GANC: variants seen among roughly 807,000 people sequenced by gnomAD.
GANC encodes the protein neutral alpha-glucosidase C.
GANC carries 117 observed loss-of-function variants against 124.2 expected under a neutral mutation model. That is an observed-to-expected ratio of 0.94 (90% confidence interval 0.81 to 1.10). The LOEUF (loss-of-function observed/expected upper bound fraction) is 1.10, where lower values mean the gene tolerates loss of function less well. Among genes scored for constraint, GANC ranks in the 50% least tolerant of loss-of-function variants. The pLI is 0.00. For synonymous variants in GANC, 377 were observed against 376.8 expected (o/e 1.00, Z -0.01); for missense variants, 1,140 against 1,095.0 (o/e 1.04, Z -0.58).
chr15:42,345,064 A>G (rs2052353268), intron 19 of GANC, among the ~76,000 whole-genome samples: 1 of 152,242 alleles, frequency 6.6e-6, no homozygotes, highest in Non-Finnish European at 1.5e-5. Context: ...GTACTGAGCT[A>G]GAAGAAAGAA....
chr15:42,290,931 A>G (rs1373118598), intron 4 of GANC, among the ~76,000 whole-genome samples: 2 of 152,252 alleles, frequency 1.3e-5, no homozygotes, highest in South Asian at 2.1e-4. Context: ...AACCCCTCCT[A>G]TAAAGGCAGG....
chr15:42,314,205 C>T (rs2052083031), intron 10 of GANC: 1 of 753,672 alleles, frequency 1.3e-6, no homozygotes. Context: ...ATATTCCCCA[C>T]AAGGAGTTCC....
intron 12 of GANC, among the ~76,000 whole-genome samples, chr15:42,327,140 T>C (rs1000504902): frequency 1.3e-5 from 2 of 152,236 alleles, no homozygotes; most frequent in African/African-American, 4.8e-5. Context: ...TACTTGTGCA[T>C]TGGCATTCCC....
At chr15:42,330,770 C>CG in intron 15 of GANC, 98 bp downstream of exon 15, 1 of 359,856 alleles carries the variant, frequency 2.8e-6, no homozygotes, top group South Asian at 2.7e-5. Context: ...CTTCCTTTTC[C>CG]TTTTTTTTTT....
At chr15:42,317,451 T>C (rs1462777846) in intron 10 of GANC, among the ~76,000 whole-genome samples, 1 of 152,136 alleles carries the variant, frequency 6.6e-6, no homozygotes, top group Non-Finnish European at 1.5e-5. Flanking sequence ...CTTGGGGTGA[T>C]GTAAAGGTTT....
chr15:42,318,432 T>C (rs1291413154), intron 10 of GANC, among the ~76,000 whole-genome samples: 1 of 152,254 alleles, frequency 6.6e-6, no homozygotes, highest in African/African-American at 2.4e-5. Flanking sequence ...TTTCTTTTAC[T>C]GTCTTCTACC....
intron 8 of GANC, among the ~76,000 whole-genome samples, chr15:42,309,084 C>T (rs1021493535): frequency 2.0e-5 from 3 of 152,144 alleles, no homozygotes; most frequent in Admixed American, 1.3e-4. Context: ...GATATCATGT[C>T]AGGCTAACAC....
rs759031034 is a variant in GANC at position 42,353,615 on chromosome 15, G to A, written c.*1476G>A. ...ACCTGACTTTCAGTAACTGTTAGCT[G>A]TGATTAGTTAGCTGGTGGATTTAAT... On this transcript the variant is annotated 3_prime_UTR_variant, in exon 24 of 24. Transcript: ENST00000318010. 380 of 985,662 alleles carry A rather than the reference G, an allele frequency of 3.9e-4. No homozygotes were observed. Among genetic ancestry groups the A allele is most frequent in the Admixed American group, 1.7e-3 (28 of 16,286 alleles). 61.1% of individuals were successfully genotyped at this position (985,662 alleles called of 1,614,324 possible). A position where few individuals can be genotyped will look rare whatever the true frequency, so the allele number is the denominator to read the frequency against.
Position 42,273,769 on chromosome 15 carries a change from G to A in GANC, c.-713G>A, listed in dbSNP as rs1180862776. ...CTTCATCCCTTCTAAGTCAATGTCA[G>A]ACTTTGGGGCCAGAAAGTCTGGAAA... On this transcript the variant is annotated 5_prime_UTR_variant, in exon 1 of 24. Transcript: ENST00000318010. 2 of 223,504 alleles carry A rather than the reference G, an allele frequency of 8.9e-6. No homozygotes were observed. The highest frequency in any genetic ancestry group is 1.8e-5 in the Non-Finnish European group (2 of 109,550). 13.8% of individuals were successfully genotyped at this position (223,504 alleles called of 1,614,324 possible).
chr15:42,295,657 CACACA>C (rs2051884063), intron 5 of GANC, among the ~76,000 whole-genome samples: 2 of 148,310 alleles, frequency 1.3e-5, no homozygotes, highest in African/African-American at 5.0e-5. Context: ...CACACACACA[CACACA>C]CACACACACA....
chr15:42,275,395 T>C (rs1595759693), intron 1 of GANC, among the ~76,000 whole-genome samples: 1 of 152,138 alleles, frequency 6.6e-6, no homozygotes, highest in Admixed American at 6.5e-5. Flanking sequence ...TTTTAATAAA[T>C]TAAAATAAAC....
chr15:42,276,439 C>A (rs1479178946), intron 2 of GANC, 29 bp downstream of exon 2: 2 of 971,710 alleles, frequency 2.1e-6, no homozygotes, highest in South Asian at 1.3e-5. Flanking sequence ...GTAGCTAGAT[C>A]AAAACATCTC....
At chr15:42,302,898 C>T (rs775483722) in intron 6 of GANC, among the ~76,000 whole-genome samples, 4 of 152,098 alleles carry the variant, frequency 2.6e-5, no homozygotes, top group Non-Finnish European at 5.9e-5. Context: ...CTGAAAATGA[C>T]AGGGAGAATG....
rs371819683 is a variant in GANC, at chr15:42,292,904, C to T, written c.499C>T (p.Leu167Phe). The T allele has an allele frequency of 1.2e-6, 2 of 1,613,836 alleles. No individual in the cohort carries two copies. Among genetic ancestry groups the T allele is most frequent in the Non-Finnish European group, 1.7e-6 (2 of 1,179,802 alleles). Residue 167 changes from leucine (L) to phenylalanine (F), a missense_variant, in exon 5 of 24, where the codon CTT (leucine) becomes TTT (phenylalanine). Coordinates refer to ENST00000318010, the MANE Select transcript of GANC (RefSeq NM_198141.3). Reference sequence around the variant, plus strand: ...ATTATACTTTGAGCATCTACAGATTCTTCACAAACAAAGGTATTCTTATGC... The same window carrying T: ...ATTATACTTTGAGCATCTACAGATTTTTCACAAACAAAGGTATTCTTATGC... ...GQLYFEHLQI[L>F]HKQRAAKENE...
chr15:42,316,438 CA>C (rs1294763958), intron 10 of GANC, among the ~76,000 whole-genome samples: 4 of 152,108 alleles, frequency 2.6e-5, no homozygotes, highest in Non-Finnish European at 5.9e-5. Flanking sequence ...TCAAGCAAGT[CA>C]CGTGATCATG....
intron 7 of GANC, among the ~76,000 whole-genome samples, chr15:42,307,786 G>A (rs1162495450): frequency 6.6e-6 from 1 of 152,260 alleles, no homozygotes; most frequent in African/African-American, 2.4e-5. Context: ...GACGAGGCTG[G>A]CAGTAAGAAT....
rs763271846 is a variant in GANC at position 42,276,362 on chromosome 15, C to T, written c.44C>T (p.Ala15Val). 1.4e-6 allele frequency: 2 copies of T among 1,462,318 alleles called. No homozygotes were observed. The highest frequency in any genetic ancestry group is 1.9e-6 in the Non-Finnish European group (2 of 1,045,040). The allele number at this position is 1,462,318 out of a possible 1,614,324, so 90.6% of individuals were successfully genotyped here. A position where few individuals can be genotyped will look rare whatever the true frequency, so the allele number is the denominator to read the frequency against. Residue 15 changes from alanine (A) to valine (V), a missense_variant, in exon 2 of 24, where the codon GCT becomes GTT. Physicochemically the swap from Ala to Val is moderately conservative, Grantham distance 64. Coordinates refer to ENST00000318010, the MANE Select transcript of GANC (RefSeq NM_198141.3). ...TTTTTATTTAGTCTTGAAGATGAAG[C>T]TGTAGATAAAAACATTTTCAGAGAC... ...VKEEISLEDE[A>V]VDKNIFRDCN... is the part of the protein sequence containing the mutation.
chr15:42,345,741 A>G lies in GANC; in HGVS notation c.2230-17A>G, dbSNP rs969791398. 3.2e-6 allele frequency: 5 copies of G among 1,555,686 alleles called. No individual in the cohort carries two copies. In the African/African-American group the frequency reaches 5.5e-5, roughly 17 times the overall value. On this transcript the variant is annotated splice_polypyrimidine_tract_variant and intron_variant, in intron 19 of 23. Coordinates refer to ENST00000318010, the MANE Select transcript of GANC (RefSeq NM_198141.3). ...TTGCTTATGTACTCTTTTTTACTGG[A>G]CTCTGTTACTTTCTAGGTCTGGTAT...
At chr15:42,304,736 A>G (rs1235512249) in intron 6 of GANC, among the ~76,000 whole-genome samples, 3 of 152,234 alleles carry the variant, frequency 2.0e-5, no homozygotes, top group Non-Finnish European at 4.4e-5. Flanking sequence ...TACAGTAACC[A>G]AAACAGCATG....
Sources: allele counts gnomAD v4.1 joint callset (sites outside exome capture counted in the v4.1 genomes callset), GRCh38; gene constraint gnomAD v4.1.1; transcripts MANE v1.5; gene names NCBI Gene and HGNC (gene_info 2026-07-23, HGNC 2026-07-21).